Variants in SAMD3 observed in about 807,000 individuals in gnomAD.
SAMD3 encodes sterile alpha motif domain containing 3.
A neutral mutation model predicts 58.5 loss-of-function variants in SAMD3; 63 were observed. That is an observed-to-expected ratio of 1.08 (90% CI 0.88 to 1.33). The LOEUF (loss-of-function observed/expected upper bound fraction) is 1.33. Ranked by LOEUF, SAMD3 falls within the 40% of genes most tolerant of loss-of-function variation. The probability of loss-of-function intolerance (pLI) is 0.00; values close to 1 mark genes in which losing one functional copy is unlikely to be tolerated. For missense variants in SAMD3, 604 were observed against 608.4 expected (o/e 0.99, Z 0.08); for synonymous variants, 220 against 210.3 (o/e 1.05, Z -0.40).
chr6:130,265,816 G>A (rs1774326304), intron 2 of SAMD3, among the ~76,000 whole-genome samples: 2 of 152,256 alleles, frequency 1.3e-5, no homozygotes, highest in African/African-American at 4.8e-5. Context: ...TTTGATGCCT[G>A]TGCTGTCATT....
At chr6:130,213,476 G>C (rs1795754205) in intron 4 of SAMD3, among the ~76,000 whole-genome samples, 1 of 151,954 alleles carries the variant, frequency 6.6e-6, no homozygotes, top group African/African-American at 2.4e-5. Flanking sequence ...CAAGGAGAAA[G>C]AGAAATCTCT....
At chr6:130,265,940 CT>C (rs1774332400) in intron 2 of SAMD3, among the ~76,000 whole-genome samples, 1 of 152,130 alleles carries the variant, frequency 6.6e-6, no homozygotes, top group Non-Finnish European at 1.5e-5. Context: ...AATGTGGATA[CT>C]GGTCTCATGT....
chr6:130,337,505 T>G (rs1777136710), intron 1 of SAMD3, among the ~76,000 whole-genome samples: 1 of 152,202 alleles, frequency 6.6e-6, no homozygotes, highest in South Asian at 2.1e-4. Context: ...CCCCCTGCCT[T>G]TGGGTATAAA....
At chr6:130,200,809 G>C (rs1193483206) in intron 5 of SAMD3, among the ~76,000 whole-genome samples, 4 of 152,130 alleles carry the variant, frequency 2.6e-5, no homozygotes, top group Admixed American at 2.6e-4. Flanking sequence ...TGACTCTGTT[G>C]AGTGTTTTCT....
At chr6:130,167,258 A>G (rs1790813191) in intron 8 of SAMD3, among the ~76,000 whole-genome samples, 2 of 152,322 alleles carry the variant, frequency 1.3e-5, no homozygotes, top group South Asian at 2.1e-4. Context: ...ATTCTGGAAC[A>G]TTTACAAACA....
rs774036634 is a variant in SAMD3, at chr6:130,294,909, ATTTTTTTTTTTTTTT to A, written c.-188+18054_-188+18068del. On this transcript the variant is annotated intron_variant, in intron 2 of 13. Coordinates refer to the SAMD3 transcript ENST00000368134. ...TCTAATTTTTCCATACATTTCTCTG[ATTTTTTTTTTTTTTT>A]TTTTTTTTTTTTTTTTTTTACGGAG... Among the ~76,000 whole-genome samples the A allele has an allele frequency of 7.3e-4, 41 of 56,164 alleles. 1 individual carries two copies. The highest frequency in any genetic ancestry group is 1.7e-3 in the South Asian group (3 of 1,754). 36.8% of individuals were successfully genotyped at this position (56,164 alleles called of 152,430 possible). A position where few individuals can be genotyped will look rare whatever the true frequency, so the allele number is the denominator to read the frequency against.
At chr6:130,157,469 C>T (rs755737930) in intron 8 of SAMD3, among the ~76,000 whole-genome samples, 43 of 152,150 alleles carry the variant, frequency 2.8e-4, no homozygotes, top group Middle Eastern at 3.4e-3. Context: ...GATGGGCCTA[C>T]AGGGCCATGC....
chr6:130,346,885 C>G (rs1777471633), intron 1 of SAMD3, among the ~76,000 whole-genome samples: 2 of 152,174 alleles, frequency 1.3e-5, no homozygotes, highest in African/African-American at 2.4e-5. Context: ...GACAAAACTT[C>G]CAGAGGAACG....
rs918679100 is a variant in SAMD3 at position 130,343,342 on chromosome 6, A to G, written c.-304+21778T>C. Among the ~76,000 whole-genome samples, 9 of 152,272 alleles carry G rather than the reference A, an allele frequency of 5.9e-5. No homozygotes were observed. In the East Asian group the frequency reaches 1.7e-3, roughly 29 times the overall value. ...CTTTCTAGTCACATAGGGCTTTGAC[A>G]CACACTTCATTGCCAGTACAAAAAT... On this transcript the variant is annotated intron_variant, in intron 1 of 13. Coordinates refer to the SAMD3 transcript ENST00000368134.
At chr6:130,212,249 C>T (rs1370625051) in intron 4 of SAMD3, among the ~76,000 whole-genome samples, 1 of 152,034 alleles carries the variant, frequency 6.6e-6, no homozygotes, top group Non-Finnish European at 1.5e-5. Context: ...ATACAACCAA[C>T]AAGAATTTTA....
chr6:130,353,118 T>C (rs2115038077), intron 1 of SAMD3, among the ~76,000 whole-genome samples: 1 of 152,348 alleles, frequency 6.6e-6, no homozygotes, highest in African/African-American at 2.4e-5. Flanking sequence ...CTGTTCTGCA[T>C]CTAGTCTTTC....
At chr6:130,228,629 T>A (rs1236705849) in intron 2 of SAMD3, among the ~76,000 whole-genome samples, 3 of 152,206 alleles carry the variant, frequency 2.0e-5, no homozygotes, top group African/African-American at 7.2e-5. Context: ...GCCGCGGGTG[T>A]TAAGCAAGGC....
chr6:130,219,195 C>T (rs918767039), intron 1 of SAMD3, among the ~76,000 whole-genome samples: 2 of 152,092 alleles, frequency 1.3e-5, no homozygotes, highest in African/African-American at 2.4e-5. Context: ...TTTTTTCATA[C>T]ATCACGGTCT....
intron 1 of SAMD3, among the ~76,000 whole-genome samples, chr6:130,338,482 C>G (rs565030070): frequency 6.6e-6 from 1 of 152,274 alleles, no homozygotes; most frequent in Non-Finnish European, 1.5e-5. Flanking sequence ...CTCCAGACCC[C>G]AGAGTGGAAG....
intron 2 of SAMD3, among the ~76,000 whole-genome samples, chr6:130,283,755 G>C (rs1361602637): frequency 6.6e-6 from 1 of 152,256 alleles, no homozygotes; most frequent in South Asian, 2.1e-4. Context: ...AAGGATATAA[G>C]TAAGGAAAAA....
At chr6:130,297,230 C>T (rs1265060641) in intron 2 of SAMD3, among the ~76,000 whole-genome samples, 2 of 152,172 alleles carry the variant, frequency 1.3e-5, no homozygotes, top group African/African-American at 2.4e-5. Context: ...CAACAAGCAA[C>T]ATCTAAGAAA....
At chr6:130,156,159 CG>C (rs549679934) in intron 8 of SAMD3, among the ~76,000 whole-genome samples, 25 of 151,834 alleles carry the variant, frequency 1.6e-4, no homozygotes, top group Middle Eastern at 3.4e-3. Context: ...GCCAACATAG[CG>C]AAACCCCACC....
At chr6:130,313,380 C>G (rs943018928) in intron 1 of SAMD3, among the ~76,000 whole-genome samples, 1 of 152,146 alleles carries the variant, frequency 6.6e-6, no homozygotes, top group Non-Finnish European at 1.5e-5. Flanking sequence ...GATCCATACA[C>G]CAGGTGTGTG....
At chr6:130,282,494 AG>A (rs1181706303) in intron 2 of SAMD3, among the ~76,000 whole-genome samples, 1 of 152,236 alleles carries the variant, frequency 6.6e-6, no homozygotes, top group East Asian at 1.9e-4. Flanking sequence ...TGGTCTCAAT[AG>A]TACAGAGGCT....
Sources: gnomAD v4.1 joint callset for allele counts (sites outside exome capture counted in the v4.1 genomes callset) on GRCh38, gnomAD v4.1.1 for gene constraint, MANE v1.5 for transcripts, NCBI Gene and HGNC (gene_info 2026-07-23, HGNC 2026-07-21) for gene names.